SLC12A8: variants seen among roughly 807,000 people sequenced by gnomAD.
SLC12A8 encodes cation-chloride cotransporter 9.
A neutral mutation model predicts 75.6 loss-of-function variants in SLC12A8; 69 were observed. That is an observed-to-expected ratio of 0.91 (90% confidence interval 0.75 to 1.11). SLC12A8 has a LOEUF of 1.11. SLC12A8 is among the 50% of genes most tolerant of loss of function. The pLI, the probability that SLC12A8 is intolerant of heterozygous loss-of-function variation, is 0.00. For synonymous variants in SLC12A8, 365 were observed against 372.8 expected (o/e 0.98, Z 0.24); for missense variants, 877 against 896.7 (o/e 0.98, Z 0.28).
intron 4 of SLC12A8, among the ~76,000 whole-genome samples, chr3:125,179,102 A>G (rs1033849213): frequency 6.6e-6 from 1 of 152,174 alleles, no homozygotes; most frequent in South Asian, 2.1e-4. Context: ...TGGTCACTCT[A>G]ATCACTGTAG....
intron 5 of SLC12A8, among the ~76,000 whole-genome samples, chr3:125,169,595 T>C (rs1278752609): frequency 2.6e-5 from 4 of 151,788 alleles, no homozygotes; most frequent in African/African-American, 7.3e-5. Flanking sequence ...TGCACCTGAG[T>C]ATGAGGCTGC....
chr3:125,147,133 T>G (rs1933796767), intron 5 of SLC12A8, among the ~76,000 whole-genome samples: 1 of 152,220 alleles, frequency 6.6e-6, no homozygotes. Context: ...CAGGGAAGAC[T>G]TCCGCAAAAT....
At chr3:125,205,985 A>G (rs1186576163) in intron 2 of SLC12A8, among the ~76,000 whole-genome samples, 1 of 152,032 alleles carries the variant, frequency 6.6e-6, no homozygotes, top group African/African-American at 2.4e-5. Flanking sequence ...ATGCTTAAAG[A>G]AAAAAAAGAG....
intron 13 of SLC12A8, among the ~76,000 whole-genome samples, chr3:125,087,389 AGCC>A (rs1938487448): frequency 5.3e-5 from 8 of 152,198 alleles, no homozygotes. Context: ...CACCACGCCC[AGCC>A]CTATTTTACC....
chr3:125,086,171 T>C (rs1938456425), intron 13 of SLC12A8, among the ~76,000 whole-genome samples: 1 of 152,174 alleles, frequency 6.6e-6, no homozygotes, highest in Non-Finnish European at 1.5e-5. Context: ...TGTGAGCCAC[T>C]GCGCCCAGCC....
chr3:125,089,267 T>C (rs963544561), intron 12 of SLC12A8, among the ~76,000 whole-genome samples: 3 of 152,328 alleles, frequency 2.0e-5, no homozygotes, highest in Non-Finnish European at 4.4e-5. Context: ...GATCTGCATT[T>C]GCAATTGCAA....
intron 10 of SLC12A8, among the ~76,000 whole-genome samples, chr3:125,098,609 CA>C (rs1938781064): frequency 6.7e-6 from 1 of 148,668 alleles, no homozygotes; most frequent in South Asian, 2.2e-4. Context: ...TAAAACTAGA[CA>C]AAATAGTCCA....
At chr3:125,125,879 C>A (rs1273121180) in intron 6 of SLC12A8, 3 of 967,186 alleles carry the variant, frequency 3.1e-6, no homozygotes, top group Non-Finnish European at 3.7e-6. Flanking sequence ...TACATACCCA[C>A]AAGAAGGCTG....
chr3:125,102,419 C>A lies in SLC12A8; in HGVS notation c.1705+5062G>T, dbSNP rs374957122. ...TTGCGAAGAACCTTGCATCGTACAC[C>A]CTATCTGGGACTTTACACGGAAGGG... On this transcript the variant is annotated intron_variant, in intron 10 of 13. Coordinates refer to ENST00000469902, the MANE Select transcript of SLC12A8 (RefSeq NM_024628.6). Among the ~76,000 whole-genome samples, 146 of 152,234 alleles carry A rather than the reference C, an allele frequency of 9.6e-4. 1 individual carries two copies. The highest frequency in any genetic ancestry group is 3.4e-3 in the African/African-American group (141 of 41,532).
chr3:125,175,791 G>A (rs1330834372), intron 5 of SLC12A8, among the ~76,000 whole-genome samples: 2 of 151,914 alleles, frequency 1.3e-5, no homozygotes, highest in Non-Finnish European at 2.9e-5. Context: ...CCTTCCTGGA[G>A]ATGCGTCAAA....
At chr3:125,088,137 G>A (rs1365508797) in intron 13 of SLC12A8, 173 bp downstream of exon 13, 17 of 595,320 alleles carry the variant, frequency 2.9e-5, no homozygotes, top group African/African-American at 5.6e-5. Context: ...TCTGGGGGCC[G>A]AGTGTGGTGG....
intron 10 of SLC12A8, among the ~76,000 whole-genome samples, chr3:125,094,230 G>C (rs1211658599): frequency 2.0e-5 from 3 of 152,120 alleles, no homozygotes; most frequent in South Asian, 2.1e-4. Flanking sequence ...ATAGTCTACA[G>C]AGGGACCTTT....
chr3:125,156,714 C>A (rs1934059176), intron 5 of SLC12A8, among the ~76,000 whole-genome samples: 1 of 152,192 alleles, frequency 6.6e-6, no homozygotes, highest in Non-Finnish European at 1.5e-5. Context: ...CATCTCTACC[C>A]CACCTCGACT....
intron 6 of SLC12A8, among the ~76,000 whole-genome samples, chr3:125,124,016 A>C (rs1366003014): frequency 6.6e-6 from 1 of 152,140 alleles, no homozygotes; most frequent in African/African-American, 2.4e-5. Flanking sequence ...TCTCCATAAC[A>C]AACCCCCTTT....
At chr3:125,187,138 T>C in intron 4 of SLC12A8, 99 bp downstream of exon 4, 1 of 1,244,146 alleles carries the variant, frequency 8.0e-7, no homozygotes, top group South Asian at 1.4e-5. Flanking sequence ...ATGCGGCAAT[T>C]GTCCCCACCC....
intron 6 of SLC12A8, among the ~76,000 whole-genome samples, chr3:125,123,835 G>A (rs766551834): frequency 5.9e-5 from 9 of 152,028 alleles, no homozygotes; most frequent in Non-Finnish European, 8.8e-5. Context: ...TTTATTCCTC[G>A]CCATTGTTGT....
intron 10 of SLC12A8, among the ~76,000 whole-genome samples, chr3:125,106,025 G>T (rs1263738363): frequency 6.6e-6 from 1 of 152,110 alleles, no homozygotes; most frequent in African/African-American, 2.4e-5. Flanking sequence ...CTCAAAAGAT[G>T]ATGTCAGAAA....
chr3:125,090,864 T>C (rs892654422), intron 12 of SLC12A8, among the ~76,000 whole-genome samples: 1 of 152,210 alleles, frequency 6.6e-6, no homozygotes, highest in Non-Finnish European at 1.5e-5. Flanking sequence ...GCTTTTTCAT[T>C]CAATCTGACA....
intron 5 of SLC12A8, among the ~76,000 whole-genome samples, chr3:125,152,900 A>G (rs1933962278): frequency 6.6e-6 from 1 of 152,128 alleles, no homozygotes; most frequent in Non-Finnish European, 1.5e-5. Context: ...TGTATCCCAA[A>G]GCCTACCTCC....
Sources: gnomAD v4.1 joint callset for allele counts (sites outside exome capture counted in the v4.1 genomes callset) on GRCh38, gnomAD v4.1.1 for gene constraint, MANE v1.5 for transcripts, NCBI Gene and HGNC (gene_info 2026-07-23, HGNC 2026-07-21) for gene names.